The following FZR1 variants were observed in gnomAD, a reference collection of about 807,000 sequenced individuals.
FZR1 encodes fizzy and cell division cycle 20 related 1.
In FZR1, 11 loss-of-function variants were observed where a neutral mutation model predicts 63.6. That is an observed-to-expected ratio of 0.17 (90% confidence interval 0.11 to 0.29). The LOEUF (loss-of-function observed/expected upper bound fraction) is 0.29. Among genes scored for constraint, FZR1 ranks in the 10% least tolerant of loss-of-function variants. The pLI, the probability that FZR1 is intolerant of heterozygous loss-of-function variation, is 1.00. For missense variants in FZR1, 440 were observed against 687.5 expected (o/e 0.64, Z 4.03); for synonymous variants, 328 against 297.9 (o/e 1.10, Z -1.04).
Position 3,525,783 on chromosome 19 carries a change from G to A in FZR1, c.70-85G>A. Reference sequence around the variant, plus strand: ...AAGATCAAAGCCCCCTTTGCTCAGTGGCCAGAGGCTGAGAGAGGCTGGCCT... The same window carrying A: ...AAGATCAAAGCCCCCTTTGCTCAGTAGCCAGAGGCTGAGAGAGGCTGGCCT... On this transcript the variant is annotated intron_variant, in intron 2 of 13. Transcript: ENST00000441788. The surrounding 1 kb of genome is among the most constrained non-coding windows in gnomAD (Gnocchi z 4.2). 6.6e-7 allele frequency: 1 copy of A among 1,511,972 alleles called. No homozygotes were observed. 93.7% of individuals were successfully genotyped at this position (1,511,972 alleles called of 1,614,324 possible).
At position 3,533,647 on chromosome 19, in the gene FZR1, T is replaced by C. The variant is rs1865790329; in HGVS notation, c.1347+249T>C. 6.1e-6 allele frequency: 3 copies of C among 488,892 alleles called. No homozygotes were observed. In the Admixed American group the frequency reaches 1.1e-4, roughly 18 times the overall value. The allele number at this position is 488,892 out of a possible 1,614,324, so 30.3% of individuals were successfully genotyped here. On this transcript the variant is annotated intron_variant, in intron 12 of 13. Transcript: ENST00000441788. The surrounding 1 kb of genome is among the most constrained non-coding windows in gnomAD (Gnocchi z 4.9). ...TCCTGGAGGACCTTAGCTTCTTCAT[T>C]TGTTTATTTTCCCCATAAAGAGGGG...
rs1334999642 is a variant in FZR1 at position 3,530,219 on chromosome 19, T to C, written c.655-573T>C. ...GCGGATGGGAGAGCAGATGGGAGAG[T>C]GGATGGGTGAGCGGATGGGAGAGCA... is the stretch of plus-strand genomic sequence containing the variant. On this transcript the variant is annotated intron_variant, in intron 7 of 13. Transcript: ENST00000441788. 2.1e-3 allele frequency among the ~76,000 whole-genome samples: 153 copies of C among 74,192 alleles called. 1 individual carries two copies. Among genetic ancestry groups the C allele is most frequent in the African/African-American group, 2.8e-3 (51 of 17,928 alleles). The allele number at this position is 74,192 out of a possible 152,430, so 48.7% of individuals were successfully genotyped here.
rs139624247 is a variant in FZR1, at chr19:3,507,706, G to C, written c.-35+1232G>C. Among the ~76,000 whole-genome samples the C allele has an allele frequency of 5.1e-3, 775 of 152,350 alleles. 11 individuals are homozygous for C. The highest frequency in any genetic ancestry group is 0.018 in the African/African-American group (744 of 41,592). On this transcript the variant is annotated intron_variant, in intron 1 of 13. Transcript: ENST00000441788. Reference sequence around the variant, plus strand: ...GGGGACTTTGAAGTGAAGGCGGAGTGGTCTCTCTCGGGGTGGGGGTGGGGA... The same window carrying C: ...GGGGACTTTGAAGTGAAGGCGGAGTCGTCTCTCTCGGGGTGGGGGTGGGGA...
intron 2 of FZR1, 61 bp downstream of exon 2, chr19:3,523,119 G>A: frequency 9.6e-7 from 1 of 1,038,012 alleles, no homozygotes; most frequent in Non-Finnish European, 1.5e-6. Flanking sequence ...CTCTGCCCTG[G>A]CCAGCAGCCT....
chr19:3,537,810 A>C lies in FZR1; in HGVS notation c.*2974A>C, dbSNP rs940682142. On this transcript the variant is annotated 3_prime_UTR_variant, in exon 14 of 14. Coordinates refer to ENST00000441788, the MANE Select transcript of FZR1 (RefSeq NM_016263.4). ...CCCATGTGGAGCTGGCATGGGGGAC[A>C]CAGCCCAGAGACAGAGAAGCTTATG... The C allele has an allele frequency of 2.6e-5, 4 of 152,634 alleles. No individual in the cohort carries two copies. The East Asian group carries it at 7.7e-4, about 29-fold the overall frequency. 9.5% of individuals were successfully genotyped at this position (152,634 alleles called of 1,614,324 possible).
chr19:3,510,119 C>T (rs1036462710), intron 1 of FZR1, among the ~76,000 whole-genome samples: 3 of 151,996 alleles, frequency 2.0e-5, no homozygotes, highest in Non-Finnish European at 4.4e-5. Flanking sequence ...AATTGCTGCA[C>T]GGTTCTGATT....
intron 1 of FZR1, among the ~76,000 whole-genome samples, chr19:3,509,172 G>A (rs1408185389): frequency 6.6e-6 from 1 of 152,210 alleles, no homozygotes; most frequent in Admixed American, 6.6e-5. Context: ...CCCTTCCTGG[G>A]CCACTTATGT....
chr19:3,510,615 G>C (rs2083017722), intron 1 of FZR1, among the ~76,000 whole-genome samples: 1 of 152,252 alleles, frequency 6.6e-6, no homozygotes, highest in African/African-American at 2.4e-5. Flanking sequence ...GGAGCAGAGA[G>C]AGGGTGGGCA....
At position 3,526,290 on chromosome 19, in the gene FZR1, T is replaced by C. The variant is rs778781973; in HGVS notation, c.291T>C (p.Asn97=). 5.6e-6 allele frequency: 9 copies of C among 1,609,848 alleles called. No individual in the cohort carries two copies. The change falls in exon 5 of 14, where the codon AAT becomes AAC. Residue 97 remains asparagine (N), a synonymous_variant. Coordinates refer to ENST00000441788, the MANE Select transcript of FZR1 (RefSeq NM_016263.4). This position sits in a 1 kb window ranked among gnomAD's most constrained non-coding sequence, Gnocchi z 5.4. ...DGLAYSALLK[N]ELLGAGIEKV... ...TGGCCTACTCTGCCCTGCTCAAGAA[T>C]GAGCTGCTGGGTGCCGGCATCGAGA... is the stretch of plus-strand genomic sequence containing the variant.
intron 10 of FZR1, 81 bp downstream of exon 10, chr19:3,532,176 G>A (rs2083254583): frequency 1.5e-6 from 2 of 1,349,548 alleles, no homozygotes; most frequent in East Asian, 2.5e-5. Context: ...AGCCTGGGCT[G>A]GGGCGGGCGC....
rs1198747026 is a variant in FZR1, at chr19:3,535,109, G to A, written c.*273G>A. On this transcript the variant is annotated 3_prime_UTR_variant, in exon 14 of 14. Transcript: ENST00000441788. Reference sequence around the variant, plus strand: ...GCGAGAACCACATTGGACGGTCCCGGCTCAGACCGTCTGTACTCAGAGCGA... The same window carrying A: ...GCGAGAACCACATTGGACGGTCCCGACTCAGACCGTCTGTACTCAGAGCGA... 1.9e-6 allele frequency: 1 copy of A among 526,758 alleles called. No individual in the cohort carries two copies. Among genetic ancestry groups the A allele is most frequent in the Non-Finnish European group, 3.4e-6 (1 of 291,200 alleles). The allele number at this position is 526,758 out of a possible 1,614,324, so 32.6% of individuals were successfully genotyped here.
chr19:3,532,196 G>C (rs1474750994), intron 10 of FZR1, 101 bp downstream of exon 10: 4 of 1,158,968 alleles, frequency 3.5e-6, no homozygotes, highest in East Asian at 5.2e-5. Flanking sequence ...CGGGCGCGGG[G>C]CCCACTCCAC....
In FZR1 at chr19:3,525,924, C is replaced by G; in HGVS notation, c.126C>G (p.Ser42Arg). 1 of 1,612,530 alleles carries G rather than the reference C, an allele frequency of 6.2e-7. No individual in the cohort carries two copies. The highest frequency in any genetic ancestry group is 8.5e-7 in the Non-Finnish European group (1 of 1,179,928). Residue 42 changes from serine to arginine, a missense_variant, in exon 3 of 14, where the codon AGC becomes AGG. Coordinates refer to ENST00000441788, the MANE Select transcript of FZR1 (RefSeq NM_016263.4). This position sits in a 1 kb window ranked among gnomAD's most constrained non-coding sequence, Gnocchi z 4.2. ...CCAGCTCCCCAGTGTCCTCGCCCAGCAAGCACGGAGACCGCTTCATCCCCT... is the reference window on the plus strand; with the variant it reads ...CCAGCTCCCCAGTGTCCTCGCCCAGGAAGCACGGAGACCGCTTCATCCCCT... ...TPASSPVSSP[S>R]KHGDRFIPSR... is the part of the protein sequence containing the mutation.
At chr19:3,521,513 T>A (rs1190129032) in intron 1 of FZR1, among the ~76,000 whole-genome samples, 1 of 151,990 alleles carries the variant, frequency 6.6e-6, no homozygotes, top group Non-Finnish European at 1.5e-5. Flanking sequence ...ACGCTTTTTT[T>A]TTTTTTGAGA....
chr19:3,529,079 C>T lies in FZR1; in HGVS notation c.654+1265C>T, dbSNP rs535243778. 3.7e-3 allele frequency among the ~76,000 whole-genome samples: 470 copies of T among 127,986 alleles called. 1 individual carries two copies. Among genetic ancestry groups the T allele is most frequent in the Middle Eastern group, 6.3e-3 (1 of 158 alleles). 84.0% of individuals were successfully genotyped at this position (127,986 alleles called of 152,430 possible). A position where few individuals can be genotyped will look rare whatever the true frequency, so the allele number is the denominator to read the frequency against. ...GCGGATGCTTGAGCGGATGGGAGAG[C>T]GGATGGGAGAGCAGACGGTTGAGCG... On this transcript the variant is annotated intron_variant, in intron 7 of 13. Coordinates refer to ENST00000441788, the MANE Select transcript of FZR1 (RefSeq NM_016263.4).
Position 3,526,148 on chromosome 19 carries a change from G to T in FZR1, c.224G>T (p.Arg75Leu), listed in dbSNP as rs759834366. The part of the protein sequence containing the change: ...NENEKSPSQN[R>L]KAKDATSDNG... ...AATGAGAAGTCTCCCAGTCAGAACC[G>T]GAAAGCCAAGGACGCCACCTCAGAC... is the stretch of plus-strand genomic sequence containing the variant. The change falls in exon 4 of 14, where the codon CGG becomes CTG. Residue 75 changes from arginine (R) to leucine (L), a missense_variant. Arg to Leu is a moderately radical substitution (Grantham distance 102). Transcript: ENST00000441788. The surrounding 1 kb of genome is among the most constrained non-coding windows in gnomAD (Gnocchi z 5.4). 6.2e-7 allele frequency: 1 copy of T among 1,612,844 alleles called. No individual in the cohort carries two copies. Among genetic ancestry groups the T allele is most frequent in the Non-Finnish European group, 8.5e-7 (1 of 1,179,990 alleles).
intron 2 of FZR1, among the ~76,000 whole-genome samples, chr19:3,524,986 A>T (rs1346569387): frequency 6.6e-6 from 1 of 151,996 alleles, no homozygotes; most frequent in African/African-American, 2.4e-5. Context: ...CCTTTTAGGG[A>T]CACCGGTCAG....
Position 3,530,833 on chromosome 19 carries a change from G to A in FZR1, c.696G>A (p.Val232=). 2 of 1,613,116 alleles carry A rather than the reference G, an allele frequency of 1.2e-6. No homozygotes were observed. The highest frequency in any genetic ancestry group is 1.7e-6 in the Non-Finnish European group (2 of 1,179,684). Residue 232 remains valine, a synonymous_variant, in exon 8 of 14, where the codon GTG becomes GTA. Coordinates refer to ENST00000441788, the MANE Select transcript of FZR1 (RefSeq NM_016263.4). The part of the protein sequence containing the change: ...LCDLSVEGDS[V]TSVGWSERGN... ...ACCTCTCAGTGGAAGGGGACTCAGT[G>A]ACCTCCGTGGGCTGGTCTGAGCGGG...
chr19:3,529,051 AGT>A (rs2083196827), intron 7 of FZR1, among the ~76,000 whole-genome samples: 1 of 136,290 alleles, frequency 7.3e-6, no homozygotes, highest in East Asian at 2.2e-4. Flanking sequence ...AGAGGATGGG[AGT>A]GCGGATGCTT....
Sources: allele counts gnomAD v4.1 joint callset (sites outside exome capture counted in the v4.1 genomes callset), GRCh38; gene constraint gnomAD v4.1.1; non-coding constraint Gnocchi (gnomAD v3.1); transcripts MANE v1.5; gene names NCBI Gene and HGNC (gene_info 2026-07-23, HGNC 2026-07-21).